Variants in ZNF532 observed in about 807,000 individuals in gnomAD.
ZNF532 encodes zinc finger protein 532.
In ZNF532, 22 loss-of-function variants were observed where a neutral mutation model predicts 89.3. That is an observed-to-expected ratio of 0.25 (90% confidence interval 0.18 to 0.35). The LOEUF is 0.35. Among genes scored for constraint, ZNF532 ranks in the 10% least tolerant of loss-of-function variants. The pLI, the probability that ZNF532 is intolerant of heterozygous loss-of-function variation, is 1.00. For missense variants in ZNF532, 1,132 were observed against 1,643.4 expected, an observed-to-expected ratio of 0.69 and a Z score of 5.38; for synonymous variants, 606 against 649.6, an observed-to-expected ratio of 0.93 and a Z score of 1.02.
chr18:58,967,547 G>A (rs971967653), intron 7 of ZNF532, among the ~76,000 whole-genome samples: 12 of 149,504 alleles, frequency 8.0e-5, no homozygotes, highest in African/African-American at 2.2e-4. Context: ...CTGCCCCCCC[G>A]TGCACCCTTC....
intron 7 of ZNF532, among the ~76,000 whole-genome samples, chr18:58,977,213 G>A (rs2067161451): frequency 1.3e-5 from 2 of 152,202 alleles, no homozygotes; most frequent in African/African-American, 4.8e-5. Flanking sequence ...AAGACAGACA[G>A]TATTTTTCTA....
At chr18:58,899,897 T>C (rs1189811776) in intron 2 of ZNF532, among the ~76,000 whole-genome samples, 2 of 152,268 alleles carry the variant, frequency 1.3e-5, no homozygotes, top group African/African-American at 4.8e-5. Flanking sequence ...TCCTTGACTC[T>C]GTTGTTTCAC....
intron 5 of ZNF532, among the ~76,000 whole-genome samples, chr18:58,947,284 T>G (rs2063748085): frequency 6.6e-6 from 1 of 152,164 alleles, no homozygotes; most frequent in South Asian, 2.1e-4. Context: ...ACGCAGCCCT[T>G]TACCCTCTCA....
At chr18:58,923,754 C>T (rs944926890) in intron 3 of ZNF532, among the ~76,000 whole-genome samples, 8 of 152,190 alleles carry the variant, frequency 5.3e-5, no homozygotes, top group Non-Finnish European at 1.0e-4. Flanking sequence ...CTGAGGATGG[C>T]ACTTAAAACA....
At chr18:58,983,228 T>C (rs2068033408) in intron 9 of ZNF532, among the ~76,000 whole-genome samples, 1 of 152,040 alleles carries the variant, frequency 6.6e-6, no homozygotes, top group Non-Finnish European at 1.5e-5. Flanking sequence ...CACGTTGGCT[T>C]GGGGAGGGGA....
intron 7 of ZNF532, among the ~76,000 whole-genome samples, chr18:58,974,926 A>G (rs922374829): frequency 2.0e-5 from 3 of 152,200 alleles, no homozygotes; most frequent in African/African-American, 7.2e-5. Flanking sequence ...GTCACTGACA[A>G]AGTCTTGAGT....
At chr18:58,950,382 A>C (rs1603276580) in intron 6 of ZNF532, among the ~76,000 whole-genome samples, 1 of 152,284 alleles carries the variant, frequency 6.6e-6, no homozygotes, top group East Asian at 1.9e-4. Flanking sequence ...ATAATCACTT[A>C]TGTTCTCATT....
Position 58,985,634 on chromosome 18 carries a change from T to C in ZNF532, c.*1168T>C, listed in dbSNP as rs1029409193. 2 of 152,616 alleles carry C rather than the reference T, an allele frequency of 1.3e-5. No individual in the cohort carries two copies. Among genetic ancestry groups the C allele is most frequent in the African/African-American group, 2.4e-5 (1 of 41,440 alleles). The allele number at this position is 152,616 out of a possible 1,614,324, so 9.5% of individuals were successfully genotyped here. A position where few individuals can be genotyped will look rare whatever the true frequency, so the allele number is the denominator to read the frequency against. On this transcript the variant is annotated 3_prime_UTR_variant, in exon 10 of 10. Coordinates refer to ENST00000591808, the MANE Select transcript of ZNF532 (RefSeq NM_001375912.1). ...ATATTTAACGTCGGTAGTTCTGCTTTATTAAAATGCAGCAGAGGTACTCTT... is the reference window on the plus strand; with the variant it reads ...ATATTTAACGTCGGTAGTTCTGCTTCATTAAAATGCAGCAGAGGTACTCTT...
At chr18:58,926,742 C>T (rs79005931) in intron 3 of ZNF532, among the ~76,000 whole-genome samples, 13,955 of 152,194 alleles carry the variant, frequency 0.092, 1,170 homozygotes, top group East Asian at 0.39. Context: ...AGGACACGTT[C>T]ATCACTAATA....
intron 7 of ZNF532, among the ~76,000 whole-genome samples, chr18:58,961,658 G>T (rs976481546): frequency 6.6e-6 from 1 of 152,212 alleles, no homozygotes; most frequent in Non-Finnish European, 1.5e-5. Flanking sequence ...ACAGGGAAAG[G>T]TTCCATTGCA....
At position 58,953,770 on chromosome 18, in the gene ZNF532, A is replaced by C. The variant is rs1052606801; in HGVS notation, c.3121A>C (p.Ile1041Leu). The change falls in exon 7 of 10, where the codon ATA becomes CTA. Residue 1041 changes from isoleucine to leucine, a missense_variant. Ile to Leu is a conservative substitution (Grantham distance 5). Coordinates refer to ENST00000591808, the MANE Select transcript of ZNF532 (RefSeq NM_001375912.1). ...CCTGTTCATGCAGAGAGATGTGTAC[A>C]TATCCCACGTGAGGAAGGAGCACGG... ...DCLFMQRDVYISHVRKEHGKQ... is the reference protein window; with the variant it reads ...DCLFMQRDVYLSHVRKEHGKQ... 6.2e-7 allele frequency: 1 copy of C among 1,613,478 alleles called. No homozygotes were observed. The highest frequency in any genetic ancestry group is 1.3e-5 in the African/African-American group (1 of 74,932).
intron 7 of ZNF532, among the ~76,000 whole-genome samples, chr18:58,975,035 A>T (rs948550517): frequency 5.3e-5 from 8 of 152,240 alleles, no homozygotes; most frequent in Admixed American, 1.3e-4. Context: ...GCATTACAGC[A>T]GAAACGGGCT....
In ZNF532 at chr18:58,981,629, C is replaced by T. The variant is rs1483469284; in HGVS notation, c.3411+12C>T. On this transcript the variant is annotated intron_variant, in intron 9 of 9. Coordinates refer to ENST00000591808, the MANE Select transcript of ZNF532 (RefSeq NM_001375912.1). The stretch of plus-strand genomic sequence containing the variant: ...AAGAAGACACTAAGGTCTAACATTG[C>T]AGATGTTTGCTTTACAGTGAAATTG... The T allele has an allele frequency of 6.2e-7, 1 of 1,613,504 alleles. No homozygotes were observed. Among genetic ancestry groups the T allele is most frequent in the South Asian group, 1.1e-5 (1 of 91,012 alleles).
chr18:58,889,564 C>T (rs1568251009), intron 2 of ZNF532, among the ~76,000 whole-genome samples: 1 of 152,062 alleles, frequency 6.6e-6, no homozygotes, highest in Non-Finnish European at 1.5e-5. Context: ...CTTTGGGAGG[C>T]TGAGACAGGC....
rs143416535 is a variant in ZNF532, at chr18:58,928,339, G to C, written c.2347-6094G>C. On this transcript the variant is annotated intron_variant, in intron 3 of 9. Coordinates refer to ENST00000591808, the MANE Select transcript of ZNF532 (RefSeq NM_001375912.1). The stretch of plus-strand genomic sequence containing the variant: ...CTGCCAGTTGCTGCTGCCCCTCCAA[G>C]TGTTCTGTAGACAATCTATGCAGAA... Among the ~76,000 whole-genome samples the C allele has an allele frequency of 3.7e-3, 565 of 152,294 alleles. 2 individuals carry two copies. Among genetic ancestry groups the C allele is most frequent in the Middle Eastern group, 6.8e-3 (2 of 294 alleles).
At chr18:58,914,570 C>G (rs2060477926) in intron 2 of ZNF532, among the ~76,000 whole-genome samples, 1 of 152,144 alleles carries the variant, frequency 6.6e-6, no homozygotes. Flanking sequence ...ATCCCGGCTA[C>G]TCGGGAGGCT....
intron 2 of ZNF532, among the ~76,000 whole-genome samples, chr18:58,892,433 T>A (rs1431372415): frequency 1.3e-5 from 2 of 152,346 alleles, no homozygotes; most frequent in Non-Finnish European, 1.5e-5. Context: ...TGAAAATGCC[T>A]ATATATGTGT....
At chr18:58,975,890 C>T (rs921316005) in intron 7 of ZNF532, among the ~76,000 whole-genome samples, 6 of 152,210 alleles carry the variant, frequency 3.9e-5, no homozygotes, top group Non-Finnish European at 8.8e-5. Context: ...CCACCCAAAG[C>T]TCTCAATCTC....
chr18:58,943,396 G>A (rs374166598), intron 5 of ZNF532, among the ~76,000 whole-genome samples: 10 of 150,810 alleles, frequency 6.6e-5, no homozygotes, highest in African/African-American at 2.2e-4. Context: ...TCCTGACCTC[G>A]TGATCCACCC....
Sources: allele counts gnomAD v4.1 joint callset (sites outside exome capture counted in the v4.1 genomes callset), GRCh38; gene constraint gnomAD v4.1.1; transcripts MANE v1.5; gene names NCBI Gene and HGNC (gene_info 2026-07-23, HGNC 2026-07-21).